GALNT17: variants seen among roughly 807,000 people sequenced by gnomAD.
The protein encoded by GALNT17 is polypeptide N-acetylgalactosaminyltransferase 17.
In GALNT17, 29 loss-of-function variants were observed where a neutral mutation model predicts 63.7. The ratio of observed to expected loss-of-function variants is 0.46; its 90% CI spans 0.34 to 0.62. The LOEUF is 0.62. Ranked by LOEUF, GALNT17 falls within the 20% of genes least tolerant of loss-of-function variation. The probability of loss-of-function intolerance (pLI) is 0.01; values close to 1 mark genes in which losing one functional copy is unlikely to be tolerated. For missense variants in GALNT17, 603 were observed against 799.6 expected (o/e 0.75, Z 2.97); for synonymous variants, 305 against 318.3 (o/e 0.96, Z 0.45).
At chr7:71,636,899 T>C (rs1249660151) in intron 6 of GALNT17, among the ~76,000 whole-genome samples, 1 of 152,046 alleles carries the variant, frequency 6.6e-6, no homozygotes, top group Non-Finnish European at 1.5e-5. Flanking sequence ...GACTGTAAGC[T>C]GGGGACGAAA....
intron 2 of GALNT17, among the ~76,000 whole-genome samples, chr7:71,365,290 A>G (rs1031681772): frequency 2.0e-5 from 3 of 152,292 alleles, no homozygotes; most frequent in South Asian, 4.1e-4. Context: ...GCCAGGGTGG[A>G]GTGCAGTGGT....
At chr7:71,559,652 A>C (rs1485266796) in intron 5 of GALNT17, among the ~76,000 whole-genome samples, 1 of 152,152 alleles carries the variant, frequency 6.6e-6, no homozygotes, top group Non-Finnish European at 1.5e-5. Context: ...GCTTGAGGCC[A>C]GGAGTCGGAG....
intron 1 of GALNT17, among the ~76,000 whole-genome samples, chr7:71,310,900 G>T (rs980950645): frequency 6.6e-6 from 1 of 152,212 alleles, no homozygotes; most frequent in African/African-American, 2.4e-5. Context: ...CAGGAAGACA[G>T]CTGGGAGTGA....
chr7:71,659,442 T>A (rs1006020411), intron 6 of GALNT17, among the ~76,000 whole-genome samples: 5 of 152,204 alleles, frequency 3.3e-5, no homozygotes. Flanking sequence ...GGGTGTACAG[T>A]CTCACATGGC....
chr7:71,712,268 G>A lies in GALNT17; in HGVS notation c.*122G>A, dbSNP rs1050091100. On this transcript the variant is annotated 3_prime_UTR_variant, in exon 11 of 11. Transcript: ENST00000333538. ...CGGCAGGTGCTCGATGGGCCCCCCA[G>A]GGCTTCTCCAGGGCAGCACAGGGAC... The A allele has an allele frequency of 2.1e-6, 3 of 1,412,394 alleles. No homozygotes were observed. Among genetic ancestry groups the A allele is most frequent in the Non-Finnish European group, 2.8e-6 (3 of 1,066,844 alleles). 87.5% of individuals were successfully genotyped at this position (1,412,394 alleles called of 1,614,324 possible).
intron 1 of GALNT17, among the ~76,000 whole-genome samples, chr7:71,239,334 A>G (rs1038290666): frequency 2.0e-5 from 3 of 149,870 alleles, no homozygotes; most frequent in African/African-American, 7.3e-5. Context: ...TTAGCTGGGC[A>G]TGGTGGTACA....
Position 71,442,778 on chromosome 7 carries a change from C to T in GALNT17, c.962+21673C>T, listed in dbSNP as rs78754524. ...TTGTGAATAACATAACTACCAGTCACGCTTGATAAAGCAGTGGCCCCTTCA... is the reference window on the plus strand; with the variant it reads ...TTGTGAATAACATAACTACCAGTCATGCTTGATAAAGCAGTGGCCCCTTCA... On this transcript the variant is annotated intron_variant, in intron 5 of 10. Transcript: ENST00000333538. Among the ~76,000 whole-genome samples, 1,262 of 152,224 alleles carry T rather than the reference C, an allele frequency of 8.3e-3. 14 individuals carry two copies. The highest frequency in any genetic ancestry group is 0.029 in the African/African-American group (1,196 of 41,518).
chr7:71,237,333 C>T (rs1476532841), intron 1 of GALNT17, among the ~76,000 whole-genome samples: 5 of 151,820 alleles, frequency 3.3e-5, no homozygotes. Flanking sequence ...AGAATTGGGG[C>T]TCAGAGGGGT....
rs536981488 is a variant in GALNT17, at chr7:71,241,235, C to T, written c.239-94315C>T. Among the ~76,000 whole-genome samples, 10 of 152,290 alleles carry T rather than the reference C, an allele frequency of 6.6e-5. 1 individual carries two copies. Among genetic ancestry groups the T allele is most frequent in the Admixed American group, 5.9e-4 (9 of 15,298 alleles). On this transcript the variant is annotated intron_variant, in intron 1 of 10. Coordinates refer to ENST00000333538, the MANE Select transcript of GALNT17 (RefSeq NM_022479.3). ...ACTCTTTCTCTCCTCCCTGGTTTGG[C>T]GGATCTGGTAAGGGCCCTGATGGTA...
chr7:71,388,152 T>C lies in GALNT17; in HGVS notation c.423-83T>C, dbSNP rs2906257. ...TGGGACGACTGGATGAGGATTCGGC[T>C]GAAATCTTACACTATGTCCAGCTGC... On this transcript the variant is annotated intron_variant, in intron 2 of 10. Transcript: ENST00000333538. The C allele has an allele frequency of 3.3e-4, 489 of 1,472,292 alleles. 1 individual carries two copies. The African/African-American group carries it at 6.3e-3, about 19-fold the overall frequency. 91.2% of individuals were successfully genotyped at this position (1,472,292 alleles called of 1,614,324 possible). A position where few individuals can be genotyped will look rare whatever the true frequency, so the allele number is the denominator to read the frequency against.
chr7:71,459,990 G>A (rs1047801175), intron 5 of GALNT17, among the ~76,000 whole-genome samples: 60 of 152,246 alleles, frequency 3.9e-4, no homozygotes, highest in African/African-American at 1.4e-3. Flanking sequence ...CTGGAAGCCC[G>A]CAGCTTCGAA....
intron 3 of GALNT17, among the ~76,000 whole-genome samples, chr7:71,403,316 G>C (rs2116393840): frequency 6.6e-6 from 1 of 152,274 alleles, no homozygotes; most frequent in South Asian, 2.1e-4. Flanking sequence ...CTAGGATACT[G>C]TCACAACTAA....
intron 5 of GALNT17, among the ~76,000 whole-genome samples, chr7:71,459,979 C>T (rs1190758894): frequency 6.6e-6 from 1 of 152,308 alleles, no homozygotes; most frequent in East Asian, 1.9e-4. Context: ...CACCTTATAG[C>T]CTGGAAGCCC....
intron 5 of GALNT17, among the ~76,000 whole-genome samples, chr7:71,472,970 G>A (rs1336517200): frequency 6.6e-6 from 1 of 152,174 alleles, no homozygotes. Flanking sequence ...CAGGTTACAG[G>A]TTGGCTTTAT....
intron 5 of GALNT17, among the ~76,000 whole-genome samples, chr7:71,557,916 T>C (rs7788004): frequency 0.45 from 67,829 of 151,086 alleles, 16,052 homozygotes; most frequent in African/African-American, 0.6. Context: ...CTACTAAAAA[T>C]AACAAAAATT....
chr7:71,277,091 AGT>A (rs1240892930), intron 1 of GALNT17, among the ~76,000 whole-genome samples: 1 of 152,240 alleles, frequency 6.6e-6, no homozygotes, highest in African/African-American at 2.4e-5. Context: ...AAACAACCTA[AGT>A]GTGCATCAGT....
chr7:71,178,091 G>T (rs1788670637), intron 1 of GALNT17, among the ~76,000 whole-genome samples: 2 of 152,128 alleles, frequency 1.3e-5, no homozygotes, highest in Admixed American at 1.3e-4. Flanking sequence ...ATTCCTTGTA[G>T]TGTGGGTCTG....
chr7:71,688,540 T>TA (rs1302424309), intron 9 of GALNT17, among the ~76,000 whole-genome samples: 3 of 88,898 alleles, frequency 3.4e-5, no homozygotes, highest in African/African-American at 1.4e-4. Flanking sequence ...TTTTTCTAAT[T>TA]ATCCCTGAGA....
chr7:71,648,088 G>T (rs1301602570), intron 6 of GALNT17, among the ~76,000 whole-genome samples: 1 of 152,176 alleles, frequency 6.6e-6, no homozygotes, highest in African/African-American at 2.4e-5. Flanking sequence ...CCCACACAGA[G>T]GTGGTGGCAC....
Sources: gnomAD v4.1 joint callset for allele counts (sites outside exome capture counted in the v4.1 genomes callset) on GRCh38, gnomAD v4.1.1 for gene constraint, MANE v1.5 for transcripts, NCBI Gene and HGNC (gene_info 2026-07-23, HGNC 2026-07-21) for gene names.